The following RAPGEF4 variants were observed in gnomAD, a reference collection of about 807,000 sequenced individuals.
RAPGEF4 encodes the protein Rap guanine nucleotide exchange factor 4.
In RAPGEF4, 66 loss-of-function variants were observed where a neutral mutation model predicts 147.9. The observed-to-expected ratio is 0.45, with a 90% CI of 0.37 to 0.55. The LOEUF is 0.55. Among genes scored for constraint, RAPGEF4 ranks in the 20% least tolerant of loss-of-function variants. The probability of loss-of-function intolerance (pLI) is 0.00; values close to 1 mark genes in which losing one functional copy is unlikely to be tolerated. For missense variants in RAPGEF4, 1,071 were observed against 1,257.3 expected, an observed-to-expected ratio of 0.85 and a Z score of 2.24; for synonymous variants, 419 against 442.7, an observed-to-expected ratio of 0.95 and a Z score of 0.67.
Position 172,893,100 on chromosome 2 carries a change from T to C in RAPGEF4, c.445-24702T>C, listed in dbSNP as rs1019234564. Among the ~76,000 whole-genome samples, 4 of 152,322 alleles carry C rather than the reference T, an allele frequency of 2.6e-5. No individual in the cohort carries two copies. The South Asian group carries it at 6.2e-4, about 24-fold the overall frequency. On this transcript the variant is annotated intron_variant, in intron 4 of 30. Transcript: ENST00000397081. ...ACCATGCTACAGGCTGGTGCTAGAA[T>C]GAAAGCATTTAGTCTGTTAAAGAGA... is the stretch of plus-strand genomic sequence containing the variant.
rs1684053792 is a variant in RAPGEF4, at chr2:173,036,662, C to T, written c.2823C>T (p.Phe941=). Residue 941 remains phenylalanine (F), a synonymous_variant, in exon 29 of 31, where the codon TTC becomes TTT. Transcript: ENST00000397081. ...TTACTCATGAGGGGAACAAGACGTT[C>T]ATTGACAATCTAGTAAACTTTGAAA... is the stretch of plus-strand genomic sequence containing the variant. ...MTFTHEGNKT[F]IDNLVNFEKM... 1 of 1,611,340 alleles carries T rather than the reference C, an allele frequency of 6.2e-7. No homozygotes were observed. The highest frequency in any genetic ancestry group is 1.1e-5 in the South Asian group (1 of 90,886).
At chr2:172,961,039 A>G in intron 7 of RAPGEF4, 83 bp from the exon 8 acceptor site, 1 of 1,094,784 alleles carries the variant, frequency 9.1e-7, no homozygotes. Context: ...CAGATTGGAA[A>G]GTGGTTTCAG....
chr2:172,776,457 C>T lies in RAPGEF4; in HGVS notation c.66-18568C>T, dbSNP rs543774010. ...CTTTATAATATTTTAGACTTTTGGG[C>T]GTATTTACTGCCTTTTTAACTGGAA... On this transcript the variant is annotated intron_variant, in intron 1 of 30. Transcript: ENST00000397081. Among the ~76,000 whole-genome samples the T allele has an allele frequency of 4.5e-4, 68 of 152,146 alleles. 1 individual carries two copies. Among genetic ancestry groups the T allele is most frequent in the South Asian group, 3.7e-3 (18 of 4,812 alleles).
chr2:173,026,882 T>G (rs1696713583), intron 24 of RAPGEF4, among the ~76,000 whole-genome samples, 185 bp downstream of exon 24: 1 of 152,200 alleles, frequency 6.6e-6, no homozygotes, highest in South Asian at 2.1e-4. Context: ...ATCTTTACAG[T>G]ATGCCGTGTC....
chr2:173,045,329 G>A (rs561660012), intron 29 of RAPGEF4, among the ~76,000 whole-genome samples: 73 of 152,304 alleles, frequency 4.8e-4, no homozygotes, highest in Non-Finnish European at 9.0e-4. Context: ...TGTAGGCCCA[G>A]TATAGCATCA....
chr2:172,960,888 G>A, intron 7 of RAPGEF4, 75 bp downstream of exon 7: 1 of 1,237,886 alleles, frequency 8.1e-7, no homozygotes, highest in Non-Finnish European at 1.2e-6. Context: ...CCATATGTCA[G>A]GGGATCACAT....
chr2:172,878,903 A>C (rs992311489), intron 4 of RAPGEF4, among the ~76,000 whole-genome samples: 1 of 152,224 alleles, frequency 6.6e-6, no homozygotes, highest in African/African-American at 2.4e-5. Flanking sequence ...AGTAATCAAT[A>C]AATATGCAGT....
intron 6 of RAPGEF4, among the ~76,000 whole-genome samples, chr2:172,933,412 G>A (rs1686194186): frequency 6.6e-6 from 1 of 152,176 alleles, no homozygotes; most frequent in South Asian, 2.1e-4. Flanking sequence ...ACCGAGGGAG[G>A]GAAGGATGAG....
At chr2:172,968,964 A>G (rs1489355308) in intron 10 of RAPGEF4, among the ~76,000 whole-genome samples, 1 of 152,138 alleles carries the variant, frequency 6.6e-6, no homozygotes, top group Non-Finnish European at 1.5e-5. Context: ...TGCCACCTGC[A>G]TCCAAGCCAA....
intron 6 of RAPGEF4, among the ~76,000 whole-genome samples, chr2:172,925,612 ACAC>A (rs1316657648): frequency 3.7e-4 from 56 of 151,280 alleles, no homozygotes; most frequent in African/African-American, 1.2e-3. Context: ...ACACACACAC[ACAC>A]ACGCTGAATG....
Position 172,968,139 on chromosome 2 carries a change from A to G in RAPGEF4, c.1004+695A>G, listed in dbSNP as rs527996319. Among the ~76,000 whole-genome samples, 5 of 152,294 alleles carry G rather than the reference A, an allele frequency of 3.3e-5. No homozygotes were observed. The East Asian group carries it at 9.7e-4, about 29-fold the overall frequency. On this transcript the variant is annotated intron_variant, in intron 10 of 30. Coordinates refer to ENST00000397081, the MANE Select transcript of RAPGEF4 (RefSeq NM_007023.4). ...TCCACAAATTGCTATGGGGCATATA[A>G]AGAAGCATACATGTGGTCCTGATCC...
Position 172,888,724 on chromosome 2 carries a change from C to T in RAPGEF4, c.445-29078C>T, listed in dbSNP as rs568699690. Among the ~76,000 whole-genome samples the T allele has an allele frequency of 8.2e-4, 125 of 152,216 alleles. 2 individuals carry two copies. The South Asian group carries it at 0.012, about 14-fold the overall frequency. Reference sequence around the variant, plus strand: ...GGCCTTTGCAATATCAGCTTGGTGACGTGGCTTGTTATGATCGAATTAATA... The same window carrying T: ...GGCCTTTGCAATATCAGCTTGGTGATGTGGCTTGTTATGATCGAATTAATA... On this transcript the variant is annotated intron_variant, in intron 4 of 30. Coordinates refer to ENST00000397081, the MANE Select transcript of RAPGEF4 (RefSeq NM_007023.4).
chr2:172,765,025 C>T (rs528491923), intron 1 of RAPGEF4, among the ~76,000 whole-genome samples: 4 of 152,292 alleles, frequency 2.6e-5, no homozygotes, highest in African/African-American at 9.6e-5. Flanking sequence ...GAAATGAAGG[C>T]GTTGTCAGGA....
At chr2:172,916,493 T>C (rs1205791710) in intron 4 of RAPGEF4, among the ~76,000 whole-genome samples, 1 of 152,038 alleles carries the variant, frequency 6.6e-6, no homozygotes, top group Non-Finnish European at 1.5e-5. Flanking sequence ...GAAGAGTAGA[T>C]GGTGTCTCAT....
intron 4 of RAPGEF4, among the ~76,000 whole-genome samples, chr2:172,821,321 G>A (rs1356588027): frequency 2.6e-5 from 4 of 152,142 alleles, no homozygotes; most frequent in African/African-American, 7.2e-5. Context: ...GATAATGCAC[G>A]GGGACCGAGA....
At chr2:172,873,578 A>G (rs562564162) in intron 4 of RAPGEF4, among the ~76,000 whole-genome samples, 1 of 152,340 alleles carries the variant, frequency 6.6e-6, no homozygotes, top group Non-Finnish European at 1.5e-5. Flanking sequence ...ATTTAGGTAA[A>G]GATTTCCTTG....
intron 19 of RAPGEF4, among the ~76,000 whole-genome samples, chr2:173,016,920 T>C (rs1309196463): frequency 6.6e-6 from 1 of 152,208 alleles, no homozygotes; most frequent in Non-Finnish European, 1.5e-5. Flanking sequence ...TGCTGCTAGA[T>C]AGACTTTGAA....
At chr2:172,798,282 G>A (rs747013135) in intron 3 of RAPGEF4, among the ~76,000 whole-genome samples, 10 of 151,878 alleles carry the variant, frequency 6.6e-5, no homozygotes. Flanking sequence ...AAAAAAGAAA[G>A]AAAGAATATT....
rs202137718 is a variant in RAPGEF4 at position 172,965,552 on chromosome 2, C to G, written c.699-10C>G. The G allele has an allele frequency of 6.2e-7, 1 of 1,613,010 alleles. No individual in the cohort carries two copies. The highest frequency in any genetic ancestry group is 2.2e-5 in the East Asian group (1 of 44,874). ...GACTTCCCCACCCTTTCTGTCTCAC[C>G]TCTCCTTAGACAATGCTGTGTGGGA... On this transcript the variant is annotated splice_polypyrimidine_tract_variant and intron_variant, in intron 8 of 30. Transcript: ENST00000397081.
Sources: allele counts gnomAD v4.1 joint callset (sites outside exome capture counted in the v4.1 genomes callset), GRCh38; gene constraint gnomAD v4.1.1; transcripts MANE v1.5; gene names NCBI Gene and HGNC (gene_info 2026-07-23, HGNC 2026-07-21).